MDGA2: variants seen among roughly 807,000 people sequenced by gnomAD.
The protein encoded by MDGA2 is MAM domain containing glycosylphosphatidylinositol anchor 2, also known as MAM domain-containing glycosylphosphatidylinositol anchor protein 2.
A neutral mutation model predicts 117.8 loss-of-function variants in MDGA2; 40 were observed. The observed-to-expected ratio is 0.34, with a 90% CI of 0.26 to 0.44. The LOEUF is 0.44. MDGA2 is among the 20% of genes least tolerant of loss of function. MDGA2 has a pLI of 1.00. For synonymous variants in MDGA2, 452 were observed against 439.0 expected, an observed-to-expected ratio of 1.03 and a Z score of -0.37; for missense variants, 1,123 against 1,250.6, an observed-to-expected ratio of 0.90 and a Z score of 1.54.
chr14:47,341,732 G>A lies in MDGA2; in HGVS notation c.281-40182C>T, dbSNP rs562688497. Among the ~76,000 whole-genome samples, 3 of 146,964 alleles carry A rather than the reference G, an allele frequency of 2.0e-5. No individual in the cohort carries two copies. The South Asian group carries it at 6.8e-4, about 33-fold the overall frequency. On this transcript the variant is annotated intron_variant, in intron 1 of 16. Coordinates refer to ENST00000399232, the MANE Select transcript of MDGA2 (RefSeq NM_001113498.3). Reference sequence around the variant, plus strand: ...TTGAAATATTTTTGTGCAGTTATCTGTGTTATTTTGGCGGCAGCTATTTGC... The same window carrying A: ...TTGAAATATTTTTGTGCAGTTATCTATGTTATTTTGGCGGCAGCTATTTGC...
chr14:47,286,807 A>ATATATATATATATATACATATATATATG (rs1888691001), intron 2 of MDGA2, among the ~76,000 whole-genome samples: 2 of 115,870 alleles, frequency 1.7e-5, no homozygotes, highest in African/African-American at 2.9e-5. Context: ...ATATCATTAT[A>ATATATATATATATATACATATATATATG]TATATATATA....
chr14:47,213,880 T>C (rs182945752), intron 3 of MDGA2, among the ~76,000 whole-genome samples: 2 of 152,280 alleles, frequency 1.3e-5, no homozygotes, highest in East Asian at 1.9e-4. Flanking sequence ...TCAGTAAACT[T>C]ACAATCACAG....
At chr14:47,244,796 A>G (rs1887183507) in intron 2 of MDGA2, among the ~76,000 whole-genome samples, 1 of 151,764 alleles carries the variant, frequency 6.6e-6, no homozygotes, top group Non-Finnish European at 1.5e-5. Context: ...TTTTATATAC[A>G]TATACCGAAA....
chr14:46,964,934 T>TGA (rs1566549190), intron 8 of MDGA2, among the ~76,000 whole-genome samples: 1 of 123,854 alleles, frequency 8.1e-6, no homozygotes, highest in Admixed American at 8.6e-5. Context: ...TTTTTTTTTT[T>TGA]TTTTTTTGAG....
At chr14:47,623,245 T>C (rs1305334) in intron 1 of MDGA2, among the ~76,000 whole-genome samples, 23,692 of 152,040 alleles carry the variant, frequency 0.16, 1,935 homozygotes, top group East Asian at 0.25. Context: ...CCTCACTAGA[T>C]GCCAGCACCT....
At chr14:47,665,790 G>A (rs542180075) in intron 1 of MDGA2, among the ~76,000 whole-genome samples, 2,045 of 114,750 alleles carry the variant, frequency 0.018, 20 homozygotes, top group Middle Eastern at 0.031. Context: ...GGGACTAGCA[G>A]CCCGCCCCCT....
chr14:47,409,726 T>C (rs1322645271), intron 1 of MDGA2, among the ~76,000 whole-genome samples: 1 of 152,146 alleles, frequency 6.6e-6, no homozygotes, highest in Non-Finnish European at 1.5e-5. Flanking sequence ...CACGTTCATA[T>C]TATTTTGATT....
rs192024857 is a variant in MDGA2 at position 47,643,177 on chromosome 14, G to A, written c.280+31340C>T. 4.3e-3 allele frequency among the ~76,000 whole-genome samples: 658 copies of A among 151,968 alleles called. 8 individuals carry two copies. The highest frequency in any genetic ancestry group is 0.015 in the African/African-American group (623 of 41,482). ...AAAGGAAGAGCCAAATACATAACAG[G>A]TTCTGTAAATCTTCATTTATTTTTA... On this transcript the variant is annotated intron_variant, in intron 1 of 16. Transcript: ENST00000399232.
At chr14:46,983,100 G>A (rs887736232) in intron 8 of MDGA2, among the ~76,000 whole-genome samples, 5 of 151,884 alleles carry the variant, frequency 3.3e-5, no homozygotes, top group African/African-American at 1.2e-4. Flanking sequence ...TTAATATGCT[G>A]GATTACGTTT....
chr14:47,659,348 A>G (rs1897803238), intron 1 of MDGA2, among the ~76,000 whole-genome samples: 1 of 152,206 alleles, frequency 6.6e-6, no homozygotes, highest in African/African-American at 2.4e-5. Flanking sequence ...CTGAAATGTC[A>G]TAATAATTGT....
chr14:47,205,593 GA>G lies in MDGA2; in HGVS notation c.595+12427del, dbSNP rs201037887. On this transcript the variant is annotated intron_variant, in intron 3 of 16. Transcript: ENST00000399232. ...CTTAATGTGAAATATCCTTTCAATA[GA>G]AAAAAAGTTCATAAATAATCTAAAA... Among the ~76,000 whole-genome samples the G allele has an allele frequency of 7.6e-3, 1,151 of 151,750 alleles. 17 individuals are homozygous for G. The highest frequency in any genetic ancestry group is 0.027 in the African/African-American group (1,099 of 41,424).
chr14:46,963,403 C>T (rs150732700), intron 8 of MDGA2, among the ~76,000 whole-genome samples: 180 of 152,294 alleles, frequency 1.2e-3, no homozygotes, highest in Non-Finnish European at 2.0e-3. Context: ...CTTTCCTGTT[C>T]GAAAAACTTT....
At chr14:46,914,338 A>C (rs12889981) in intron 10 of MDGA2, among the ~76,000 whole-genome samples, 33,291 of 152,024 alleles carry the variant, frequency 0.22, 4,561 homozygotes, top group Non-Finnish European at 0.3. Context: ...CTTTGTTAGG[A>C]CATAAAGATT....
At chr14:47,014,099 T>C (rs1887999069) in intron 8 of MDGA2, among the ~76,000 whole-genome samples, 1 of 151,914 alleles carries the variant, frequency 6.6e-6, no homozygotes. Flanking sequence ...CCGGCCCTCC[T>C]TGTATATCTT....
intron 2 of MDGA2, among the ~76,000 whole-genome samples, chr14:47,265,361 C>T (rs1347761113): frequency 6.6e-6 from 1 of 151,942 alleles, no homozygotes; most frequent in African/African-American, 2.4e-5. Flanking sequence ...CTTTCACAGG[C>T]CATGAAGAGA....
intron 3 of MDGA2, among the ~76,000 whole-genome samples, chr14:47,164,438 A>G (rs1202014712): frequency 1.3e-5 from 2 of 152,232 alleles, no homozygotes; most frequent in African/African-American, 4.8e-5. Flanking sequence ...ACAGGTGGGC[A>G]AAGGATATGA....
At chr14:46,881,699 T>C (rs1354897346) in intron 11 of MDGA2, among the ~76,000 whole-genome samples, 1 of 152,110 alleles carries the variant, frequency 6.6e-6, no homozygotes, top group East Asian at 1.9e-4. Flanking sequence ...TTTTGATCTT[T>C]TTTTACTTCT....
At chr14:46,937,205 T>C (rs1884814274) in intron 9 of MDGA2, among the ~76,000 whole-genome samples, 3 of 138,396 alleles carry the variant, frequency 2.2e-5, no homozygotes, top group Non-Finnish European at 4.7e-5. Context: ...GGCACACCGC[T>C]CCCCCGACAC....
chr14:47,476,144 A>G (rs1893831119), intron 1 of MDGA2, among the ~76,000 whole-genome samples: 1 of 152,240 alleles, frequency 6.6e-6, no homozygotes, highest in African/African-American at 2.4e-5. Context: ...CCATGAATAT[A>G]AACAACTTGC....
Sources: allele counts gnomAD v4.1 joint callset (sites outside exome capture counted in the v4.1 genomes callset), GRCh38; gene constraint gnomAD v4.1.1; transcripts MANE v1.5; gene names NCBI Gene and HGNC (gene_info 2026-07-23, HGNC 2026-07-21).